TTN: variants seen among roughly 807,000 people sequenced by gnomAD.
TTN encodes the protein titin, also known as connectin.
In TTN, 1,525 loss-of-function variants were observed where a neutral mutation model predicts 3,223.0. That is an observed-to-expected ratio of 0.47 (90% confidence interval 0.45 to 0.49). The LOEUF is 0.49. Among genes scored for constraint, TTN ranks in the 20% least tolerant of loss-of-function variants. The probability of loss-of-function intolerance (pLI) is 0.00; values close to 1 mark genes in which losing one functional copy is unlikely to be tolerated. For synonymous variants in TTN, 14,094 were observed against 15,161.0 expected, an observed-to-expected ratio of 0.93 and a Z score of 5.17; for missense variants, 40,786 against 43,424.0, an observed-to-expected ratio of 0.94 and a Z score of 5.40.
chr2:178,670,459 A>T (rs2066786425), intron 156 of TTN, among the ~76,000 whole-genome samples, 164 bp from the exon 157 acceptor site: 1 of 151,966 alleles, frequency 6.6e-6, no homozygotes, highest in Non-Finnish European at 1.5e-5. Context: ...GAATTTAAAA[A>T]ATATATAATA....
At chr2:178,801,805 A>G (rs746839460) in intron 3 of TTN, among the ~76,000 whole-genome samples, 5 of 152,188 alleles carry the variant, frequency 3.3e-5, no homozygotes, top group African/African-American at 7.2e-5. Context: ...TCCCTGGAGA[A>G]TATGTCTTAT....
In TTN at chr2:178,734,911, G is replaced by A; in HGVS notation, c.15013C>T (p.Leu5005=). 1 of 1,612,792 alleles carries A rather than the reference G, an allele frequency of 6.2e-7. No homozygotes were observed. Among genetic ancestry groups the A allele is most frequent in the Non-Finnish European group, 8.5e-7 (1 of 1,179,304 alleles). ...PGESARLHCK[L]KGSPVIQVTW... ...ACCTGGATCACAGGTGAGCCTTTCAGCTTGCAATGGAGGCGTGCTGATTCA... is the reference window on the plus strand; with the variant it reads ...ACCTGGATCACAGGTGAGCCTTTCAACTTGCAATGGAGGCGTGCTGATTCA... The change falls in exon 51 of 363, where the codon CTG becomes TTG. Residue 5005 remains leucine, a synonymous_variant. Coordinates refer to ENST00000589042, the MANE Select transcript of TTN (RefSeq NM_001267550.2).
rs1351934071 is a variant in TTN, at chr2:178,786,111, C to T, written c.2107G>A (p.Ala703Thr). The change falls in exon 14 of 363, where the codon GCA (alanine) becomes ACA (threonine). Residue 703 changes from alanine (A) to threonine (T), a missense_variant. By Grantham distance (58) the Ala-to-Thr change is moderately conservative. Coordinates refer to ENST00000589042, the MANE Select transcript of TTN (RefSeq NM_001267550.2). The part of the protein sequence containing the change: ...VDVGKKAEAV[A>T]TVVAAVDQAR... ...TGGTCTACTGCAGCAACAACTGTTG[C>T]TACAGCTTCAGCCTTTTTTCCAACG... 6 of 1,613,950 alleles carry T rather than the reference C, an allele frequency of 3.7e-6. No homozygotes were observed. The highest frequency in any genetic ancestry group is 2.2e-5 in the South Asian group (2 of 91,068).
chr2:178,561,689 G>C lies in TTN; in HGVS notation c.84443C>G (p.Ala28148Gly), dbSNP rs751860205. 4.4e-6 allele frequency: 7 copies of C among 1,607,416 alleles called. No individual in the cohort carries two copies. The highest frequency in any genetic ancestry group is 6.0e-6 in the Non-Finnish European group (7 of 1,175,852). The part of the protein sequence containing the change: ...SSYSESSAVV[A>G]EYPFSPPGPP... ...ACCTGGGGGACTGAATGGATACTCT[G>C]CAACAACAGCTGAAGATTCACTGTA... Residue 28148 changes from alanine (A) to glycine (G), a missense_variant, in exon 326 of 363, where the codon GCA becomes GGA. By Grantham distance (60) the Ala-to-Gly change is moderately conservative. Coordinates refer to ENST00000589042, the MANE Select transcript of TTN (RefSeq NM_001267550.2).
chr2:178,639,954 T>C, intron 222 of TTN, 94 bp downstream of exon 222: 2 of 1,501,314 alleles, frequency 1.3e-6, no homozygotes, highest in South Asian at 1.2e-5. Flanking sequence ...ATTTGATACA[T>C]ACTGACTTTC....
chr2:178,570,846 T>A lies in TTN; in HGVS notation c.75286A>T (p.Ser25096Cys). The A allele has an allele frequency of 6.2e-7, 1 of 1,613,600 alleles. No homozygotes were observed. The highest frequency in any genetic ancestry group is 8.5e-7 in the Non-Finnish European group (1 of 1,179,640). The change falls in exon 326 of 363, where the codon AGC (serine) becomes TGC (cysteine). Residue 25096 changes from serine (S) to cysteine (C), a missense_variant. Ser to Cys is a moderately radical substitution (Grantham distance 112). Coordinates refer to ENST00000589042, the MANE Select transcript of TTN (RefSeq NM_001267550.2). The stretch of plus-strand genomic sequence containing the variant: ...TCTCTAGCTGTTATTGCTCCTGTGC[T>A]TTCTGAAGGCTCACTAAACACTCCT... ...AAGVFSEPSE[S>C]TGAITARDEV... is the part of the protein sequence containing the mutation.
At position 178,602,104 on chromosome 2, in the gene TTN, A is replaced by T; in HGVS notation, c.55167T>A (p.Val18389=). 6.2e-7 allele frequency: 1 copy of T among 1,612,570 alleles called. No individual in the cohort carries two copies. The highest frequency in any genetic ancestry group is 8.5e-7 in the Non-Finnish European group (1 of 1,179,172). The change falls in exon 284 of 363, where the codon GTT becomes GTA. Residue 18389 remains valine, a synonymous_variant. Coordinates refer to ENST00000589042, the MANE Select transcript of TTN (RefSeq NM_001267550.2). ...FIDIGAQDCL[V]CKAGSQIRIP... The stretch of plus-strand genomic sequence containing the variant: ...TCCTAATCTGTGAGCCAGCTTTACA[A>T]ACCAGACAGTCCTGTGCTCCAATGT...
At chr2:178,631,366 A>G in intron 236 of TTN, 66 bp from the exon 237 acceptor site, 1 of 1,480,974 alleles carries the variant, frequency 6.8e-7, no homozygotes, top group Non-Finnish European at 9.0e-7. Context: ...TCTCTTGGAA[A>G]GTTTAAGACA....
intron 326 of TTN, 44 bp from the exon 327 acceptor site, chr2:178,558,681 C>T (rs550885539): frequency 5.1e-6 from 8 of 1,576,708 alleles, no homozygotes; most frequent in Non-Finnish European, 6.9e-6. Flanking sequence ...ATTATTACAG[C>T]ACTTTTAAAT....
At chr2:178,718,273 G>T in intron 85 of TTN, 49 bp downstream of exon 85, 1 of 1,596,784 alleles carries the variant, frequency 6.3e-7, no homozygotes, top group Non-Finnish European at 8.5e-7. Context: ...TGTAAAAGAG[G>T]ATGTTTGAAA....
intron 281 of TTN, 30 bp from the exon 282 acceptor site, chr2:178,604,335 A>G: frequency 7.0e-7 from 1 of 1,423,440 alleles, no homozygotes; most frequent in Non-Finnish European, 9.2e-7. Context: ...AAATTTATTG[A>G]AGAGAATATA....
At position 178,645,933 on chromosome 2, in the gene TTN, T is replaced by C. The variant is rs766145596; in HGVS notation, c.40395A>G (p.Ile13465Met). Residue 13465 changes from isoleucine (I) to methionine (M), a missense_variant, in exon 217 of 363, where the codon ATA (isoleucine) becomes ATG (methionine). Ile to Met is a conservative substitution (Grantham distance 10). Transcript: ENST00000589042. ...APPKEDVKEK[I>M]FQLKAIPKKK... ...GGCATTTTTTACCTTTAAGTTGGAA[T>C]ATTTTCTCCTTCACATCTTCCTTAG... is the stretch of plus-strand genomic sequence containing the variant. 130 of 1,576,038 alleles carry C rather than the reference T, an allele frequency of 8.2e-5. No homozygotes were observed. The highest frequency in any genetic ancestry group is 2.2e-4 in the Admixed American group (12 of 54,374).
At position 178,676,023 on chromosome 2, in the gene TTN, A is replaced by G. The variant is rs189161461; in HGVS notation, c.34379-28T>C. On this transcript the variant is annotated intron_variant, in intron 147 of 362. Coordinates refer to ENST00000589042, the MANE Select transcript of TTN (RefSeq NM_001267550.2). ...TTAAAGACATCATTTCATGATAAGGATTTATTTTGAAGGACAAAAAAAGAG... is the reference window on the plus strand; with the variant it reads ...TTAAAGACATCATTTCATGATAAGGGTTTATTTTGAAGGACAAAAAAAGAG... 2.6e-4 allele frequency: 410 copies of G among 1,566,466 alleles called. No individual in the cohort carries two copies. In the African/African-American group the frequency reaches 4.7e-3, roughly 18 times the overall value.
chr2:178,714,110 C>T lies in TTN; in HGVS notation c.26548G>A (p.Glu8850Lys). The part of the protein sequence containing the change: ...KVTTGDTCTL[E>K]CTVAGTPELS... Reference sequence around the variant, plus strand: ...TCAGGGGTGCCAGCTACTGTACACTCCAAGGTACAGGTGTCTCCCGTGGTA... The same window carrying T: ...TCAGGGGTGCCAGCTACTGTACACTTCAAGGTACAGGTGTCTCCCGTGGTA... Residue 8850 changes from glutamate (E) to lysine (K), a missense_variant, in exon 92 of 363, where the codon GAG becomes AAG. Coordinates refer to ENST00000589042, the MANE Select transcript of TTN (RefSeq NM_001267550.2). 6.2e-7 allele frequency: 1 copy of T among 1,613,704 alleles called. No individual in the cohort carries two copies. Among genetic ancestry groups the T allele is most frequent in the Non-Finnish European group, 8.5e-7 (1 of 1,179,742 alleles).
In TTN at chr2:178,559,941, C is replaced by T. The variant is rs761563884; in HGVS notation, c.86191G>A (p.Val28731Ile). The T allele has an allele frequency of 3.1e-6, 5 of 1,613,788 alleles. No homozygotes were observed. The highest frequency in any genetic ancestry group is 1.7e-5 in the Admixed American group (1 of 60,010). ...CTATCACTGGGGTCACTAGCACCAACCTTATTGACAGATTTTACTCTGAAA... is the reference window on the plus strand; with the variant it reads ...CTATCACTGGGGTCACTAGCACCAATCTTATTGACAGATTTTACTCTGAAA... ...YVFRVKSVNK[V>I]GASDPSDSSD... Residue 28731 changes from valine to isoleucine, a missense_variant, in exon 326 of 363, where the codon GTT (valine) becomes ATT (isoleucine). Transcript: ENST00000589042.
chr2:178,652,616 GAT>G, intron 201 of TTN, 35 bp downstream of exon 201: 2 of 1,612,152 alleles, frequency 1.2e-6, no homozygotes, highest in African/African-American at 1.3e-5. Flanking sequence ...GAGTAGAAGA[GAT>G]AGATCTTCTG....
At chr2:178,556,458 A>ACAAAC (rs200305114) in intron 330 of TTN, 20 of 203,784 alleles carry the variant, frequency 9.8e-5, no homozygotes, top group African/African-American at 3.5e-4. Context: ...AAACAAACAA[A>ACAAAC]AAAAAAAAAA....
rs1354845947 is a variant in TTN at position 178,625,326 on chromosome 2, T to C, written c.44495A>G (p.Glu14832Gly). Reference protein sequence around the residue: ...LRDVKLEDAGEVQLTAKDFKT... With the variant: ...LRDVKLEDAGGVQLTAKDFKT... ...GAAATCTTTTGCTGTTAGTTGGACT[T>C]CCCCAGCATCTTCTAACTTTACATC... Residue 14832 changes from glutamate to glycine, a missense_variant, in exon 241 of 363, where the codon GAA (glutamate) becomes GGA (glycine). By Grantham distance (98) the Glu-to-Gly change is moderately conservative. Coordinates refer to ENST00000589042, the MANE Select transcript of TTN (RefSeq NM_001267550.2). The C allele has an allele frequency of 6.2e-7, 1 of 1,605,110 alleles. No homozygotes were observed. Among genetic ancestry groups the C allele is most frequent in the South Asian group, 1.1e-5 (1 of 89,604 alleles).
chr2:178,537,341 C>A lies in TTN; in HGVS notation c.99865+1G>T. On this transcript the variant is annotated splice_donor_variant, in intron 355 of 362. Transcript: ENST00000589042. LOFTEE classifies it high-confidence loss of function. ...AAGCACTGAAAATAAAAATAAAATA[C>A]CTTGTATTTCCACATCAAGGATGGC... The A allele has an allele frequency of 6.5e-7, 1 of 1,534,958 alleles. No homozygotes were observed. The highest frequency in any genetic ancestry group is 1.3e-5 in the South Asian group (1 of 77,456).
Sources: allele counts gnomAD v4.1 joint callset (sites outside exome capture counted in the v4.1 genomes callset), GRCh38; gene constraint gnomAD v4.1.1; transcripts MANE v1.5; gene names NCBI Gene and HGNC (gene_info 2026-07-23, HGNC 2026-07-21).